The following DIP2A variants were observed in gnomAD, a reference collection of about 807,000 sequenced individuals.
DIP2A encodes the protein disco-interacting protein 2 homolog A.
A neutral mutation model predicts 177.4 loss-of-function variants in DIP2A; 85 were observed. The ratio of observed to expected loss-of-function variants is 0.48; its 90% confidence interval spans 0.40 to 0.57. DIP2A has a LOEUF of 0.57. Among genes scored for constraint, DIP2A ranks in the 20% least tolerant of loss-of-function variants. DIP2A has a pLI of 0.00. For synonymous variants in DIP2A, 886 were observed against 881.8 expected, an observed-to-expected ratio of 1.00 and a Z score of -0.08; for missense variants, 1,791 against 2,100.2, an observed-to-expected ratio of 0.85 and a Z score of 2.88.
At chr21:46,474,722 A>G (rs2055694450) in intron 1 of DIP2A, among the ~76,000 whole-genome samples, 1 of 152,088 alleles carries the variant, frequency 6.6e-6, no homozygotes, top group Non-Finnish European at 1.5e-5. Context: ...GGCTCAAGTG[A>G]TCATTTAGCC....
At chr21:46,562,849 C>G (rs1478762933) in intron 34 of DIP2A, among the ~76,000 whole-genome samples, 2 of 152,186 alleles carry the variant, frequency 1.3e-5, no homozygotes, top group Non-Finnish European at 2.9e-5. Context: ...GTCCTCCCTT[C>G]TCTGAGCACA....
chr21:46,459,100 C>T lies in DIP2A; in HGVS notation c.-32C>T. The T allele has an allele frequency of 1.4e-6, 2 of 1,452,562 alleles. No homozygotes were observed. Among genetic ancestry groups the T allele is most frequent in the East Asian group, 2.9e-5 (1 of 34,508 alleles). The allele number at this position is 1,452,562 out of a possible 1,614,324, so 90.0% of individuals were successfully genotyped here. A position where few individuals can be genotyped will look rare whatever the true frequency, so the allele number is the denominator to read the frequency against. ...GCCGCCGCCAGGCCCGGTCCGGTTCCAGCCTCTGCCCGGACGCTAGCCGGC... is the reference window on the plus strand; with the variant it reads ...GCCGCCGCCAGGCCCGGTCCGGTTCTAGCCTCTGCCCGGACGCTAGCCGGC... On this transcript the variant is annotated 5_prime_UTR_variant, in exon 1 of 38. Coordinates refer to ENST00000417564, the MANE Select transcript of DIP2A (RefSeq NM_015151.4).
At chr21:46,577,265 T>C in the DIP2A span, among the ~76,000 whole-genome samples, 1 of 152,240 alleles carries the variant, frequency 6.6e-6, no homozygotes, top group African/African-American at 2.4e-5. Context: ...TAGTTTGGGG[T>C]TCTACATTTA....
intron 5 of DIP2A, among the ~76,000 whole-genome samples, chr21:46,504,091 G>A (rs2057848660): frequency 6.6e-6 from 1 of 152,356 alleles, no homozygotes; most frequent in Admixed American, 6.5e-5. Context: ...CTCTGTGCCT[G>A]CCTCTGTGCT....
chr21:46,575,885 A>G, the DIP2A span, among the ~76,000 whole-genome samples: 2 of 152,222 alleles, frequency 1.3e-5, no homozygotes, highest in African/African-American at 4.8e-5. Flanking sequence ...TTTTTGCAGA[A>G]AGACTAACTC....
At chr21:46,545,613 G>T (rs954408645) in intron 19 of DIP2A, among the ~76,000 whole-genome samples, 2 of 152,218 alleles carry the variant, frequency 1.3e-5, no homozygotes, top group Non-Finnish European at 2.9e-5. Flanking sequence ...TATTTGCATT[G>T]TTGTGATGTG....
At chr21:46,506,530 G>C (rs532939136) in intron 6 of DIP2A, among the ~76,000 whole-genome samples, 11 of 152,088 alleles carry the variant, frequency 7.2e-5, no homozygotes, top group African/African-American at 2.4e-4. Context: ...TCCAACAGTT[G>C]GTATTATGTT....
intron 7 of DIP2A, among the ~76,000 whole-genome samples, chr21:46,510,521 CT>C (rs1199543005): frequency 6.6e-6 from 1 of 151,912 alleles, no homozygotes; most frequent in Non-Finnish European, 1.5e-5. Context: ...TTTCTTACCA[CT>C]TGGGCAAATT....
In DIP2A at chr21:46,502,026, A is replaced by C. The variant is rs146265429; in HGVS notation, c.656-2335A>C. Among the ~76,000 whole-genome samples, 918 of 152,330 alleles carry C rather than the reference A, an allele frequency of 6.0e-3. 8 individuals carry two copies. The highest frequency in any genetic ancestry group is 0.02 in the Middle Eastern group (6 of 294). On this transcript the variant is annotated intron_variant, in intron 5 of 37. Coordinates refer to ENST00000417564, the MANE Select transcript of DIP2A (RefSeq NM_015151.4). ...ACTTCAGCTTTCTACAAACCTAGTA[A>C]AAAGTTACTGCTTTACATTGTACCT...
In DIP2A at chr21:46,476,115, G is replaced by A. The variant is rs535509494; in HGVS notation, c.92-8642G>A. Among the ~76,000 whole-genome samples, 17 of 151,896 alleles carry A rather than the reference G, an allele frequency of 1.1e-4. No individual in the cohort carries two copies. The South Asian group carries it at 3.5e-3, about 32-fold the overall frequency. On this transcript the variant is annotated intron_variant, in intron 1 of 37. Transcript: ENST00000417564. ...AAAAAAATTAGCCAGGCATGGTGGT[G>A]GGCACCTGTAGTCCCAGCTACTCGG...
At chr21:46,476,079 C>CAA (rs34733342) in intron 1 of DIP2A, among the ~76,000 whole-genome samples, 3 of 134,580 alleles carry the variant, frequency 2.2e-5, no homozygotes, top group Non-Finnish European at 4.8e-5. Flanking sequence ...ACTAAAAATA[C>CAA]AAAAAAAAAA....
Position 46,534,566 on chromosome 21 carries a change from T to C in DIP2A, c.1540-19T>C. The C allele has an allele frequency of 6.2e-7, 1 of 1,610,164 alleles. No individual in the cohort carries two copies. On this transcript the variant is annotated intron_variant, in intron 12 of 37. Coordinates refer to ENST00000417564, the MANE Select transcript of DIP2A (RefSeq NM_015151.4). ...CTCTAGAAATACCACATCATGTTTT[T>C]TTCCTTGAAATCTTTCAGTATAAAA...
Position 46,557,771 on chromosome 21 carries a change from G to A in DIP2A, c.3798+18G>A. 6.3e-7 allele frequency: 1 copy of A among 1,596,046 alleles called. No individual in the cohort carries two copies. On this transcript the variant is annotated intron_variant, in intron 31 of 37. Coordinates refer to ENST00000417564, the MANE Select transcript of DIP2A (RefSeq NM_015151.4). The surrounding 1 kb of genome is among the most constrained non-coding windows in gnomAD (Gnocchi z 6.0). ...TCCTCAGGGTGAGTGCCCAGACCCG[G>A]GCTTCTGAGTGTGCTGCAGACCACA...
At chr21:46,573,033 T>A (rs2060978092), downstream of DIP2A, among the ~76,000 whole-genome samples, 1 of 152,030 alleles carries the variant, frequency 6.6e-6, no homozygotes, top group South Asian at 2.1e-4. Context: ...GTTCCCCCAA[T>A]GATGAAATCA....
chr21:46,583,390 C>G, the DIP2A span, among the ~76,000 whole-genome samples: 2 of 150,678 alleles, frequency 1.3e-5, no homozygotes, highest in Non-Finnish European at 3.0e-5. Context: ...CTCCACACAA[C>G]AAGAAAGTAT....
intron 8 of DIP2A, among the ~76,000 whole-genome samples, chr21:46,514,627 T>TTG (rs1569013699): frequency 1.4e-5 from 2 of 139,828 alleles, no homozygotes; most frequent in East Asian, 2.0e-4. Flanking sequence ...CTTTTTTTTT[T>TTG]TTTTTTTTTT....
chr21:46,569,328 G>C lies in DIP2A; in HGVS notation c.*1706G>C, dbSNP rs141144129. 81 of 152,222 alleles carry C rather than the reference G, an allele frequency of 5.3e-4. No homozygotes were observed. Among genetic ancestry groups the C allele is most frequent in the African/African-American group, 1.9e-3 (78 of 41,532 alleles). 9.4% of individuals were successfully genotyped at this position (152,222 alleles called of 1,614,324 possible). ...TGCATAGTAGCCCTGTTTCCCCATG[G>C]TGTTGGACTGTGGTAAAGTATGTTG... On this transcript the variant is annotated 3_prime_UTR_variant, in exon 38 of 38. Coordinates refer to ENST00000417564, the MANE Select transcript of DIP2A (RefSeq NM_015151.4).
At chr21:46,484,594 T>A (rs2056567582) in intron 1 of DIP2A, among the ~76,000 whole-genome samples, 163 bp from the exon 2 acceptor site, 2 of 152,230 alleles carry the variant, frequency 1.3e-5, no homozygotes, top group Non-Finnish European at 2.9e-5. Context: ...CCTTTTTTAT[T>A]GCTGAGTGGT....
intron 21 of DIP2A, among the ~76,000 whole-genome samples, chr21:46,547,843 AT>A (rs897546351): frequency 9.9e-5 from 15 of 150,824 alleles, no homozygotes; most frequent in Admixed American, 5.9e-4. Context: ...TAATTTTTTA[AT>A]TTTTTTGTAG....
Sources: gnomAD v4.1 joint callset for allele counts (sites outside exome capture counted in the v4.1 genomes callset) on GRCh38, gnomAD v4.1.1 for gene constraint, Gnocchi (gnomAD v3.1) non-coding constraint, MANE v1.5 for transcripts, NCBI Gene and HGNC (gene_info 2026-07-23, HGNC 2026-07-21) for gene names.